The following CHKA variants were observed in gnomAD, a reference collection of about 807,000 sequenced individuals.
CHKA encodes CHETK-alpha.
In CHKA, 34 loss-of-function variants were observed where a neutral mutation model predicts 60.1. The ratio of observed to expected loss-of-function variants is 0.57; its 90% confidence interval spans 0.43 to 0.75. CHKA has a LOEUF of 0.75. CHKA is among the 30% of genes least tolerant of loss of function. CHKA has a pLI of 0.00. For synonymous variants in CHKA, 217 were observed against 223.1 expected (o/e 0.97, Z 0.24); for missense variants, 563 against 561.3 (o/e 1.00, Z -0.03).
intron 2 of CHKA, among the ~76,000 whole-genome samples, chr11:68,093,000 T>G (rs1857396616): frequency 6.8e-6 from 1 of 147,922 alleles, no homozygotes; most frequent in East Asian, 2.0e-4. Flanking sequence ...CATCCAGTTT[T>G]TTTTGGGTTT....
At chr11:68,060,283 C>T (rs1184456914) in intron 11 of CHKA, among the ~76,000 whole-genome samples, 2 of 151,910 alleles carry the variant, frequency 1.3e-5, no homozygotes, top group East Asian at 1.9e-4. Flanking sequence ...CCGCCCGCCT[C>T]GGCCTCCCAA....
intron 1 of CHKA, among the ~76,000 whole-genome samples, chr11:68,116,691 T>C (rs1858394974): frequency 6.6e-6 from 1 of 151,116 alleles, no homozygotes; most frequent in South Asian, 2.1e-4. Context: ...TGCTCCCGCC[T>C]GGGCAACAGA....
chr11:68,054,073 C>CA (rs781746342), intron 11 of CHKA, 26 bp from the exon 12 acceptor site: 23 of 1,602,234 alleles, frequency 1.4e-5, no homozygotes, highest in Admixed American at 1.2e-4. Context: ...GAGAAGGCCT[C>CA]AGCAAGGAAT....
At chr11:68,083,186 G>T (rs1326681506) in intron 2 of CHKA, among the ~76,000 whole-genome samples, 2 of 152,112 alleles carry the variant, frequency 1.3e-5, no homozygotes, top group Non-Finnish European at 2.9e-5. Flanking sequence ...ATGAATAAAT[G>T]AACACTCCGG....
intron 6 of CHKA, 99 bp downstream of exon 6, chr11:68,070,090 T>C: frequency 2.3e-6 from 2 of 867,756 alleles, no homozygotes; most frequent in Non-Finnish European, 3.8e-6. Flanking sequence ...GTAAAACCAA[T>C]GTAAAATGCC....
intron 1 of CHKA, among the ~76,000 whole-genome samples, chr11:68,099,000 T>TA (rs1467451690): frequency 6.6e-6 from 1 of 152,230 alleles, no homozygotes; most frequent in Non-Finnish European, 1.5e-5. Flanking sequence ...ACAGTTTTAA[T>TA]AAAAAAGTAT....
At chr11:68,098,145 C>T (rs1464914650) in intron 1 of CHKA, among the ~76,000 whole-genome samples, 1 of 151,682 alleles carries the variant, frequency 6.6e-6, no homozygotes, top group Non-Finnish European at 1.5e-5. Context: ...TGGCACACAC[C>T]TTGTAATACC....
chr11:68,097,883 C>T (rs1857565750), intron 1 of CHKA, among the ~76,000 whole-genome samples: 1 of 152,120 alleles, frequency 6.6e-6, no homozygotes, highest in Non-Finnish European at 1.5e-5. Flanking sequence ...GAATCAAACC[C>T]AGGCATATGG....
At chr11:68,074,426 G>A (rs969377484) in intron 4 of CHKA, among the ~76,000 whole-genome samples, 1 of 152,210 alleles carries the variant, frequency 6.6e-6, no homozygotes, top group Admixed American at 6.5e-5. Context: ...TAGAAGTTGA[G>A]AGGAACACGG....
At chr11:68,091,004 T>A (rs1359472766) in intron 2 of CHKA, among the ~76,000 whole-genome samples, 3 of 152,236 alleles carry the variant, frequency 2.0e-5, no homozygotes, top group African/African-American at 7.2e-5. Flanking sequence ...CCACAATTCA[T>A]GATAAATAAG....
At chr11:68,064,678 C>T (rs777361595) in intron 9 of CHKA, 47 bp from the exon 10 acceptor site, 1 of 1,112,818 alleles carries the variant, frequency 9.0e-7, no homozygotes, top group Non-Finnish European at 1.3e-6. Flanking sequence ...TTAAAATAGA[C>T]AATGTCAATA....
At chr11:68,100,591 C>CAATAAATAAATAAATA (rs751647246) in intron 1 of CHKA, among the ~76,000 whole-genome samples, 1 of 100,642 alleles carries the variant, frequency 9.9e-6, no homozygotes, top group African/African-American at 3.8e-5. Flanking sequence ...ACATCATCTC[C>CAATAAATAAATAAATA]AATAAATAAA....
rs936001009 is a variant in CHKA, at chr11:68,111,841, G to A, written c.350+8987C>T. ...GGCTGAGGCGGGTGGATCACTTGAGGTCAGGAGTTTGAGACCAGCCTGACC... is the reference window on the plus strand; with the variant it reads ...GGCTGAGGCGGGTGGATCACTTGAGATCAGGAGTTTGAGACCAGCCTGACC... On this transcript the variant is annotated intron_variant, in intron 1 of 11. Coordinates refer to ENST00000265689, the MANE Select transcript of CHKA (RefSeq NM_001277.3). Among the ~76,000 whole-genome samples the A allele has an allele frequency of 4.0e-5, 6 of 151,824 alleles. No individual in the cohort carries two copies. In the East Asian group the frequency reaches 1.2e-3, roughly 29 times the overall value.
rs1457395003 is a variant in CHKA at position 68,120,820 on chromosome 11, C to T, written c.350+8G>A. 7 of 1,253,886 alleles carry T rather than the reference C, an allele frequency of 5.6e-6. No homozygotes were observed. In the South Asian group the frequency reaches 1.2e-4, roughly 21 times the overall value. 77.7% of individuals were successfully genotyped at this position (1,253,886 alleles called of 1,614,324 possible). ...TGTCCCGCGGCCCCCAGACCCGGCG[C>T]CACCGACCTGATGACACTGATGTGG... On this transcript the variant is annotated splice_region_variant and intron_variant, in intron 1 of 11. Coordinates refer to ENST00000265689, the MANE Select transcript of CHKA (RefSeq NM_001277.3).
At position 68,121,228 on chromosome 11, in the gene CHKA, G is replaced by C; in HGVS notation, c.-51C>G. On this transcript the variant is annotated 5_prime_UTR_variant, in exon 1 of 12. Coordinates refer to ENST00000265689, the MANE Select transcript of CHKA (RefSeq NM_001277.3). ...GGGCGGCCGCAGCGCGAGAGGACTA[G>C]GCTCAGAGTCCGGCCGGGCGCCCCC... is the stretch of plus-strand genomic sequence containing the variant. 1.4e-5 allele frequency: 15 copies of C among 1,097,378 alleles called. No homozygotes were observed. Among genetic ancestry groups the C allele is most frequent in the Non-Finnish European group, 1.7e-5 (15 of 901,858 alleles). The allele number at this position is 1,097,378 out of a possible 1,614,324, so 68.0% of individuals were successfully genotyped here.
At chr11:68,054,644 A>G (rs1855938024) in intron 11 of CHKA, among the ~76,000 whole-genome samples, 1 of 152,208 alleles carries the variant, frequency 6.6e-6, no homozygotes, top group Non-Finnish European at 1.5e-5. Context: ...GCAATTCTAG[A>G]AGCCAGGAAG....
chr11:68,061,992 A>T lies in CHKA; in HGVS notation c.1275T>A (p.Ile425=), dbSNP rs781585581. The T allele has an allele frequency of 6.3e-7, 1 of 1,599,932 alleles. No individual in the cohort carries two copies. Among genetic ancestry groups the T allele is most frequent in the East Asian group, 2.2e-5 (1 of 44,746 alleles). ...CAATAGATGAAATCTTGGCTTGTAC[A>T]ATGGACCACAGTCCCCAGAGGAAAT... ...ASHFLWGLWS[I]VQAKISSIEF... The change falls in exon 11 of 12, where the codon ATT becomes ATA. Residue 425 remains isoleucine (I), a synonymous_variant. Transcript: ENST00000265689.
chr11:68,081,817 C>T (rs879780317), intron 2 of CHKA: 57 of 177,804 alleles, frequency 3.2e-4, no homozygotes, highest in Non-Finnish European at 5.7e-4. Context: ...GAGTCTCTCA[C>T]CAATTTAGCT....
intron 3 of CHKA, 72 bp downstream of exon 3, chr11:68,081,332 G>T: frequency 8.0e-7 from 1 of 1,254,412 alleles, no homozygotes; most frequent in Non-Finnish European, 1.2e-6. Context: ...GCACTGCCAA[G>T]CCCTGGAGTA....
Sources: gnomAD v4.1 joint callset for allele counts (sites outside exome capture counted in the v4.1 genomes callset) on GRCh38, gnomAD v4.1.1 for gene constraint, MANE v1.5 for transcripts, NCBI Gene and HGNC (gene_info 2026-07-23, HGNC 2026-07-21) for gene names.